The following PEX14 variants were observed in gnomAD, a reference collection of about 807,000 sequenced individuals.
The protein encoded by PEX14 is peroxisomal membrane protein PEX14.
Under a neutral mutation model 49.5 loss-of-function variants are expected in PEX14, and 15 were observed. That is an observed-to-expected ratio of 0.30 (90% CI 0.20 to 0.47). PEX14 has a LOEUF of 0.47. Ranked by LOEUF, PEX14 falls within the 20% of genes least tolerant of loss-of-function variation. The pLI is 1.00. For synonymous variants in PEX14, 210 were observed against 212.7 expected, an observed-to-expected ratio of 0.99 and a Z score of 0.11; for missense variants, 398 against 494.8, an observed-to-expected ratio of 0.80 and a Z score of 1.86.
At chr1:10,508,421 A>T (rs1641825581) in intron 2 of PEX14, among the ~76,000 whole-genome samples, 1 of 152,164 alleles carries the variant, frequency 6.6e-6, no homozygotes, top group South Asian at 2.1e-4. Flanking sequence ...GTTAGCCAGG[A>T]TGGTCTCGAT....
chr1:10,488,100 A>G lies in PEX14; in HGVS notation c.37-7174A>G, dbSNP rs148020452. ...CTGGCCTATTACTTTTTTTATTTAC[A>G]TATTTTTAAATTATATATTTAGTTT... On this transcript the variant is annotated intron_variant, in intron 1 of 8. Transcript: ENST00000356607. Among the ~76,000 whole-genome samples the G allele has an allele frequency of 2.1e-3, 315 of 152,106 alleles. 2 individuals carry two copies. Among genetic ancestry groups the G allele is most frequent in the African/African-American group, 7.2e-3 (297 of 41,504 alleles).
At chr1:10,593,792 G>A (rs1233381766) in intron 3 of PEX14, among the ~76,000 whole-genome samples, 2 of 152,202 alleles carry the variant, frequency 1.3e-5, no homozygotes, top group Non-Finnish European at 2.9e-5. Flanking sequence ...TCAGCTTTAT[G>A]TTCAGAGACA....
intron 5 of PEX14, among the ~76,000 whole-genome samples, chr1:10,622,257 C>A (rs1226283689): frequency 1.3e-5 from 2 of 152,216 alleles, no homozygotes; most frequent in African/African-American, 2.4e-5. Context: ...GCCGCATTCA[C>A]TTTCTTTTTC....
At chr1:10,480,835 C>A (rs1429041237) in intron 1 of PEX14, among the ~76,000 whole-genome samples, 2 of 140,900 alleles carry the variant, frequency 1.4e-5, no homozygotes, top group Admixed American at 1.4e-4. Flanking sequence ...CAGTCTCTCT[C>A]TCTCTTTCTC....
rs765703443 is a variant in PEX14 at position 10,623,986 on chromosome 1, G to C, written c.488-354G>C. Among the ~76,000 whole-genome samples the C allele has an allele frequency of 3.5e-4, 53 of 152,196 alleles. No individual in the cohort carries two copies. The highest frequency in any genetic ancestry group is 9.8e-4 in the Admixed American group (15 of 15,278). ...TCTCTCCCAGCATTGGAGACCCCAG[G>C]AGTTTCACAAGGACACTGAGGCCCA... On this transcript the variant is annotated intron_variant, in intron 6 of 8. Transcript: ENST00000356607. This position sits in a 1 kb window ranked among gnomAD's most constrained non-coding sequence, Gnocchi z 4.4.
chr1:10,511,843 CTCA>C (rs918563839), intron 2 of PEX14, among the ~76,000 whole-genome samples: 2 of 152,176 alleles, frequency 1.3e-5, no homozygotes, highest in African/African-American at 4.8e-5. Flanking sequence ...ACTGCAGGAC[CTCA>C]TCAACACGTG....
chr1:10,541,968 T>A (rs1041849062), intron 3 of PEX14, among the ~76,000 whole-genome samples: 4 of 152,182 alleles, frequency 2.6e-5, no homozygotes. Context: ...ATTTACCCAG[T>A]TACTTTTATG....
At chr1:10,490,539 G>A (rs371037567) in intron 1 of PEX14, among the ~76,000 whole-genome samples, 33 of 152,100 alleles carry the variant, frequency 2.2e-4, no homozygotes, top group African/African-American at 7.0e-4. Context: ...TCTCTCTGCC[G>A]CCGTAGTCTT....
chr1:10,568,622 CGTAA>C (rs1639883024), intron 3 of PEX14, among the ~76,000 whole-genome samples: 1 of 151,942 alleles, frequency 6.6e-6, no homozygotes, highest in African/African-American at 2.4e-5. Flanking sequence ...GCAGAATAGC[CGTAA>C]GTATGTGTTC....
intron 3 of PEX14, among the ~76,000 whole-genome samples, chr1:10,591,305 A>G (rs1406759911): frequency 1.3e-5 from 2 of 151,740 alleles, no homozygotes; most frequent in Admixed American, 6.6e-5. Context: ...CAGTGGGTTA[A>G]GCAAGAAGTT....
chr1:10,509,197 C>T (rs572280679), intron 2 of PEX14, among the ~76,000 whole-genome samples: 10 of 152,210 alleles, frequency 6.6e-5, no homozygotes, highest in African/African-American at 1.9e-4. Flanking sequence ...ATCCGCCTGC[C>T]TCGGCCTCCC....
intron 2 of PEX14, among the ~76,000 whole-genome samples, chr1:10,501,378 C>G (rs975156437): frequency 3.3e-5 from 5 of 152,136 alleles, no homozygotes; most frequent in Non-Finnish European, 5.9e-5. Flanking sequence ...GATCTCGGCT[C>G]ACTGCAGGCT....
Position 10,629,238 on chromosome 1 carries a change from G to A in PEX14, c.678-293G>A, listed in dbSNP as rs1641836794. On this transcript the variant is annotated intron_variant, in intron 8 of 8. Coordinates refer to ENST00000356607, the MANE Select transcript of PEX14 (RefSeq NM_004565.3). The surrounding 1 kb of genome is among the most constrained non-coding windows in gnomAD (Gnocchi z 8.5). ...GAAGCAGGCTCCCGCATGGCAGGCA[G>A]GCCCCACTTGGCTTCCAGCAGCTGC... Among the ~76,000 whole-genome samples the A allele has an allele frequency of 6.6e-6, 1 of 152,256 alleles. No homozygotes were observed.
chr1:10,584,992 G>A (rs941692676), intron 3 of PEX14, among the ~76,000 whole-genome samples: 23 of 152,132 alleles, frequency 1.5e-4, no homozygotes, highest in South Asian at 2.1e-4. Context: ...TTATATGTGC[G>A]AGGATCTTTG....
At chr1:10,560,495 T>G (rs774915384) in intron 3 of PEX14, among the ~76,000 whole-genome samples, 2 of 152,162 alleles carry the variant, frequency 1.3e-5, no homozygotes, top group African/African-American at 4.8e-5. Context: ...TGGTGCCATC[T>G]GGGACCACAG....
At chr1:10,565,910 TG>T (rs1184992134) in intron 3 of PEX14, among the ~76,000 whole-genome samples, 1 of 152,186 alleles carries the variant, frequency 6.6e-6, no homozygotes, top group Admixed American at 6.6e-5. Flanking sequence ...GAGGCTGAGG[TG>T]GGAAGATCTC....
At chr1:10,550,001 T>C (rs1477926034) in intron 3 of PEX14, among the ~76,000 whole-genome samples, 1 of 152,304 alleles carries the variant, frequency 6.6e-6, no homozygotes, top group East Asian at 1.9e-4. Context: ...GCATGTATCT[T>C]ACAAGGCATG....
rs200111886 is a variant in PEX14 at position 10,539,463 on chromosome 1, CT to C, written c.169+3168del. 7.7e-3 allele frequency among the ~76,000 whole-genome samples: 1,168 copies of C among 152,260 alleles called. 12 individuals are homozygous for C. Among genetic ancestry groups the C allele is most frequent in the Non-Finnish European group, 0.013 (891 of 68,018 alleles). On this transcript the variant is annotated intron_variant, in intron 3 of 8. Coordinates refer to ENST00000356607, the MANE Select transcript of PEX14 (RefSeq NM_004565.3). This position sits in a 1 kb window ranked among gnomAD's most constrained non-coding sequence, Gnocchi z 4.6. ...ATGAAAGAAAAAAGCAGCTGCTCACCTTCAGAGTATTAGAATAAATGTTTTT... is the reference window on the plus strand; with the variant it reads ...ATGAAAGAAAAAAGCAGCTGCTCACCTCAGAGTATTAGAATAAATGTTTTT...
intron 2 of PEX14, chr1:10,535,899 A>G (rs559203984): frequency 7.8e-6 from 3 of 386,922 alleles, no homozygotes; most frequent in African/African-American, 4.2e-5. Flanking sequence ...ATGGGTGCGC[A>G]TGGCCACACC....
Sources: allele counts gnomAD v4.1 joint callset (sites outside exome capture counted in the v4.1 genomes callset), GRCh38; gene constraint gnomAD v4.1.1; non-coding constraint Gnocchi (gnomAD v3.1); transcripts MANE v1.5; gene names NCBI Gene and HGNC (gene_info 2026-07-23, HGNC 2026-07-21).